The following KMT5A variants were observed in gnomAD, a reference collection of about 807,000 sequenced individuals.
KMT5A encodes the protein N-lysine methyltransferase KMT5A.
KMT5A carries 6 observed loss-of-function variants against 40.6 expected under a neutral mutation model. The observed-to-expected ratio is 0.15, with a 90% CI of 0.08 to 0.29. The LOEUF is 0.29. KMT5A is among the 10% of genes least tolerant of loss of function. KMT5A has a pLI of 1.00. For missense variants in KMT5A, 308 were observed against 459.1 expected, an observed-to-expected ratio of 0.67 and a Z score of 3.01; for synonymous variants, 153 against 178.8, an observed-to-expected ratio of 0.86 and a Z score of 1.15.
At chr12:123,397,508 T>C (rs1195889610) in intron 5 of KMT5A, among the ~76,000 whole-genome samples, 1 of 152,186 alleles carries the variant, frequency 6.6e-6, no homozygotes, top group East Asian at 1.9e-4. Context: ...TTTCTTTTAA[T>C]TGATGAAGCT....
At chr12:123,387,712 T>C (rs1876959105) in intron 1 of KMT5A, among the ~76,000 whole-genome samples, 1 of 152,204 alleles carries the variant, frequency 6.6e-6, no homozygotes, top group Non-Finnish European at 1.5e-5. Context: ...TACTCAGTCT[T>C]ATCCGTTCCA....
rs757547371 is a variant in KMT5A at position 123,384,186 on chromosome 12, A to G, written c.-13A>G. On this transcript the variant is annotated 5_prime_UTR_variant, in exon 1 of 8. Coordinates refer to ENST00000402868, the MANE Select transcript of KMT5A (RefSeq NM_020382.7). The surrounding 1 kb of genome is among the most constrained non-coding windows in gnomAD (Gnocchi z 5.7). ...GTTTCCCGGGAGATCCCAGGCGGTG[A>G]CAGAGTGGAGCCATGGCTAGAGGTA... The G allele has an allele frequency of 1.9e-6, 3 of 1,613,754 alleles. No homozygotes were observed. The highest frequency in any genetic ancestry group is 4.5e-5 in the East Asian group (2 of 44,870).
chr12:123,407,042 A>AT (rs1878608334), intron 7 of KMT5A, among the ~76,000 whole-genome samples: 1 of 147,052 alleles, frequency 6.8e-6, no homozygotes, highest in African/African-American at 2.5e-5. Context: ...AAAAAAAAAA[A>AT]GCTTTGCAAA....
intron 6 of KMT5A, 98 bp downstream of exon 6, chr12:123,403,730 C>T (rs566417452): frequency 1.3e-5 from 18 of 1,335,622 alleles, no homozygotes; most frequent in South Asian, 1.1e-4. Context: ...GGCTTTCACC[C>T]TCTAATGGCC....
At chr12:123,404,843 A>G (rs374289078) in intron 6 of KMT5A, 41 bp from the exon 7 acceptor site, 4 of 1,581,882 alleles carry the variant, frequency 2.5e-6, no homozygotes, top group East Asian at 2.2e-5. Flanking sequence ...AGTGGCATCC[A>G]TTGCTATTAT....
chr12:123,402,954 G>A (rs1400561399), intron 5 of KMT5A, among the ~76,000 whole-genome samples: 1 of 152,164 alleles, frequency 6.6e-6, no homozygotes, highest in Non-Finnish European at 1.5e-5. Context: ...TGTCGCCCAG[G>A]CTGGAGTGCA....
At chr12:123,392,444 G>A (rs1408699147) in intron 3 of KMT5A, among the ~76,000 whole-genome samples, 1 of 151,980 alleles carries the variant, frequency 6.6e-6, no homozygotes, top group Non-Finnish European at 1.5e-5. Flanking sequence ...GATTGCTTGA[G>A]CCCAGGAGTT....
intron 5 of KMT5A, 121 bp from the exon 6 acceptor site, chr12:123,403,452 C>A: frequency 9.7e-7 from 1 of 1,028,818 alleles, no homozygotes; most frequent in Non-Finnish European, 1.5e-6. Context: ...CCAGTGATGC[C>A]AAATGAGGCC....
intron 5 of KMT5A, among the ~76,000 whole-genome samples, chr12:123,399,958 G>A (rs1278664414): frequency 6.6e-6 from 1 of 151,982 alleles, no homozygotes; most frequent in African/African-American, 2.4e-5. Flanking sequence ...TGAGTACCTG[G>A]GATTACAGGC....
chr12:123,386,947 C>G (rs541200257), intron 1 of KMT5A, among the ~76,000 whole-genome samples: 9 of 152,250 alleles, frequency 5.9e-5, no homozygotes, highest in East Asian at 5.8e-4. Flanking sequence ...ACTCCACCCC[C>G]CTGGGTTCAA....
intron 3 of KMT5A, among the ~76,000 whole-genome samples, chr12:123,392,671 A>G (rs537899203): frequency 6.6e-6 from 1 of 152,166 alleles, no homozygotes; most frequent in South Asian, 2.1e-4. Context: ...CTCTAATATA[A>G]AAATAAAAAG....
Position 123,408,341 on chromosome 12 carries a change from T to C in KMT5A, c.*638T>C, listed in dbSNP as rs1878725542. 6.6e-6 allele frequency: 1 copy of C among 152,602 alleles called. No homozygotes were observed. The highest frequency in any genetic ancestry group is 2.1e-4 in the South Asian group (1 of 4,826). 9.5% of individuals were successfully genotyped at this position (152,602 alleles called of 1,614,324 possible). On this transcript the variant is annotated 3_prime_UTR_variant, in exon 8 of 8. Transcript: ENST00000402868. ...ACAAGCTGCCGCTTTTCTGGGCACC[T>C]TGAAGCATCAGGGCGTGAAATCAAA...
intron 1 of KMT5A, chr12:123,388,882 C>T (rs1296908322): frequency 2.0e-5 from 3 of 147,788 alleles, no homozygotes; most frequent in African/African-American, 4.9e-5. Flanking sequence ...GCCCGCCCTC[C>T]GGAGCGGCCT....
chr12:123,397,869 G>A (rs1216840692), intron 5 of KMT5A, among the ~76,000 whole-genome samples: 4 of 150,914 alleles, frequency 2.7e-5, no homozygotes, highest in Non-Finnish European at 5.9e-5. Context: ...GATTGGATTT[G>A]TCCATGTTGG....
rs534833970 is a variant in KMT5A at position 123,390,721 on chromosome 12, C to T, written c.224C>T (p.Ser75Leu). The T allele has an allele frequency of 1.2e-6, 2 of 1,613,952 alleles. No individual in the cohort carries two copies. Among genetic ancestry groups the T allele is most frequent in the African/African-American group, 2.7e-5 (2 of 75,044 alleles). ...CGTTTCCCCCTTCAGGAAGAGAACT[C>T]AGTTACACATCACGAAGTCAAATGC... The part of the protein sequence containing the change: ...GMRFPLQEEN[S>L]VTHHEVKCQG... Residue 75 changes from serine (S) to leucine (L), a missense_variant, in exon 3 of 8, where the codon TCA becomes TTA. Transcript: ENST00000402868.
chr12:123,403,443 C>T, intron 5 of KMT5A, 130 bp from the exon 6 acceptor site: 1 of 876,128 alleles, frequency 1.1e-6, no homozygotes, highest in East Asian at 2.5e-5. Context: ...CCATCATCCC[C>T]AGTGATGCCA....
intron 5 of KMT5A, among the ~76,000 whole-genome samples, chr12:123,397,465 G>A (rs748821221): frequency 2.6e-5 from 4 of 152,108 alleles, no homozygotes; most frequent in East Asian, 1.9e-4. Context: ...TGTTAAATGC[G>A]CAGATACACA....
At chr12:123,392,741 T>G (rs1418309737) in intron 3 of KMT5A, among the ~76,000 whole-genome samples, 1 of 152,128 alleles carries the variant, frequency 6.6e-6, no homozygotes, top group Non-Finnish European at 1.5e-5. Flanking sequence ...GTGATTCTGC[T>G]GTGATACAGA....
At position 123,407,780 on chromosome 12, in the gene KMT5A, T is replaced by A; in HGVS notation, c.*77T>A. 9.7e-7 allele frequency: 1 copy of A among 1,036,214 alleles called. No individual in the cohort carries two copies. The allele number at this position is 1,036,214 out of a possible 1,614,324, so 64.2% of individuals were successfully genotyped here. ...AGTGCCCTCAAAGGGAATTGAATTTTTTTTTTACACACTTAATCTTAGCGG... is the reference window on the plus strand; with the variant it reads ...AGTGCCCTCAAAGGGAATTGAATTTATTTTTTACACACTTAATCTTAGCGG... On this transcript the variant is annotated 3_prime_UTR_variant, in exon 8 of 8. Coordinates refer to ENST00000402868, the MANE Select transcript of KMT5A (RefSeq NM_020382.7).
Sources: allele counts gnomAD v4.1 joint callset (sites outside exome capture counted in the v4.1 genomes callset), GRCh38; gene constraint gnomAD v4.1.1; non-coding constraint Gnocchi (gnomAD v3.1); transcripts MANE v1.5; gene names NCBI Gene and HGNC (gene_info 2026-07-23, HGNC 2026-07-21).